Variants in ARHGAP22 observed in about 807,000 individuals in gnomAD.
ARHGAP22 encodes the protein rho GTPase-activating protein 22.
In ARHGAP22, 48 loss-of-function variants were observed where a neutral mutation model predicts 59.1. The ratio of observed to expected loss-of-function variants is 0.81; its 90% confidence interval spans 0.64 to 1.03. The LOEUF (loss-of-function observed/expected upper bound fraction) is 1.03. Ranked by LOEUF, ARHGAP22 falls within the 50% of genes least tolerant of loss-of-function variation. The probability of loss-of-function intolerance (pLI) is 0.00; values close to 1 mark genes in which losing one functional copy is unlikely to be tolerated. For synonymous variants in ARHGAP22, 445 were observed against 416.4 expected (o/e 1.07, Z -0.84); for missense variants, 1,015 against 958.7 (o/e 1.06, Z -0.78).
the ARHGAP22 span, chr10:48,431,278 A>G: frequency 1.3e-6 from 2 of 1,598,968 alleles, no homozygotes; most frequent in Non-Finnish European, 1.7e-6. Flanking sequence ...TAGGTTGGTT[A>G]CAATATAAGC....
At chr10:48,431,725 T>A in the ARHGAP22 span, among the ~76,000 whole-genome samples, 6 of 152,198 alleles carry the variant, frequency 3.9e-5, no homozygotes, top group African/African-American at 1.2e-4. Flanking sequence ...CACTAGAAAG[T>A]ATTCTTTCTC....
At chr10:48,448,881 C>G (rs1253157417) in intron 9 of ARHGAP22, among the ~76,000 whole-genome samples, 1 of 152,102 alleles carries the variant, frequency 6.6e-6, no homozygotes, top group African/African-American at 2.4e-5. Flanking sequence ...CCCGAGCGCT[C>G]TCATCCACTG....
intron 4 of ARHGAP22, among the ~76,000 whole-genome samples, chr10:48,469,788 T>C (rs1243099850): frequency 6.6e-6 from 1 of 152,192 alleles, no homozygotes; most frequent in African/African-American, 2.4e-5. Context: ...GTGTGTGGGC[T>C]GAAGTCCTCC....
At chr10:48,435,468 ATCCT>A in the ARHGAP22 span, 6 of 153,112 alleles carry the variant, frequency 3.9e-5, no homozygotes, top group Non-Finnish European at 8.7e-5. Context: ...TCATGATACT[ATCCT>A]TCAGGGTTAT....
intron 5 of ARHGAP22, among the ~76,000 whole-genome samples, chr10:48,458,664 T>A (rs2046823200): frequency 6.6e-6 from 1 of 152,136 alleles, no homozygotes; most frequent in Admixed American, 6.5e-5. Context: ...TGACATTATT[T>A]GAAGCAATCT....
At position 48,538,684 on chromosome 10, in the gene ARHGAP22, C is replaced by T. The variant is rs148877548; in HGVS notation, c.322+16779G>A. On this transcript the variant is annotated intron_variant, in intron 3 of 9. Transcript: ENST00000249601. ...ACACCTGGGAATGCACTACAGTAGGCGTTTGGATCCAGTAAAGGAAAGCTT... is the reference window on the plus strand; with the variant it reads ...ACACCTGGGAATGCACTACAGTAGGTGTTTGGATCCAGTAAAGGAAAGCTT... 3.2e-4 allele frequency among the ~76,000 whole-genome samples: 48 copies of T among 152,288 alleles called. No individual in the cohort carries two copies. The East Asian group carries it at 8.7e-3, about 28-fold the overall frequency.
intron 3 of ARHGAP22, among the ~76,000 whole-genome samples, chr10:48,486,460 C>T (rs1345060419): frequency 6.6e-6 from 1 of 152,064 alleles, no homozygotes; most frequent in Non-Finnish European, 1.5e-5. Context: ...CCCGTCTCAG[C>T]CTCTTGAGTA....
intron 1 of ARHGAP22, among the ~76,000 whole-genome samples, chr10:48,630,832 T>C (rs1374488191): frequency 2.6e-5 from 4 of 152,248 alleles, no homozygotes; most frequent in South Asian, 4.1e-4. Flanking sequence ...CAATGTTGAA[T>C]AAGTGTGGTG....
At chr10:48,584,558 A>C (rs1006170101) in intron 1 of ARHGAP22, among the ~76,000 whole-genome samples, 2 of 152,194 alleles carry the variant, frequency 1.3e-5, no homozygotes, top group African/African-American at 4.8e-5. Flanking sequence ...GGAGGAGATG[A>C]TGTCTTACCC....
At chr10:48,524,216 G>T (rs1418420744) in intron 3 of ARHGAP22, 1 of 678,596 alleles carries the variant, frequency 1.5e-6, no homozygotes, top group Admixed American at 6.2e-5. Context: ...GGCGCAGGGT[G>T]CGCGGGACCG....
At chr10:48,595,986 ATTAATT>A (rs1208072231) in intron 1 of ARHGAP22, among the ~76,000 whole-genome samples, 2 of 151,830 alleles carry the variant, frequency 1.3e-5, no homozygotes, top group Non-Finnish European at 2.9e-5. Flanking sequence ...GAGTGAAAAT[ATTAATT>A]TTTAAGTAGT....
At chr10:48,490,480 A>G (rs2050277660) in intron 3 of ARHGAP22, among the ~76,000 whole-genome samples, 2 of 152,162 alleles carry the variant, frequency 1.3e-5, no homozygotes, top group Admixed American at 6.5e-5. Flanking sequence ...GTTAAGAAAC[A>G]TTGATACGGA....
At chr10:48,485,286 A>G (rs535583390) in intron 3 of ARHGAP22, among the ~76,000 whole-genome samples, 17 of 152,306 alleles carry the variant, frequency 1.1e-4, no homozygotes, top group East Asian at 3.9e-4. Flanking sequence ...GGCAGCTCCC[A>G]GATTTCAATA....
At chr10:48,608,258 A>G (rs142909662), upstream of ARHGAP22, among the ~76,000 whole-genome samples, 53 of 152,264 alleles carry the variant, frequency 3.5e-4, no homozygotes, top group African/African-American at 1.1e-3. Flanking sequence ...CCAAGCCCCA[A>G]CTTGAGACAA....
At chr10:48,464,751 G>C (rs1434080035) in intron 4 of ARHGAP22, among the ~76,000 whole-genome samples, 2 of 152,172 alleles carry the variant, frequency 1.3e-5, no homozygotes, top group Admixed American at 1.3e-4. Context: ...CCCTTTCCTG[G>C]GGCTCAGTCT....
chr10:48,549,561 C>G (rs74353111), intron 3 of ARHGAP22, among the ~76,000 whole-genome samples: 5 of 152,096 alleles, frequency 3.3e-5, no homozygotes, highest in South Asian at 2.1e-4. Context: ...GGTGGGAGAG[C>G]AGGAGATTTC....
At chr10:48,510,057 G>A (rs910125414) in intron 3 of ARHGAP22, among the ~76,000 whole-genome samples, 1 of 152,172 alleles carries the variant, frequency 6.6e-6, no homozygotes, top group Non-Finnish European at 1.5e-5. Context: ...GTGGCCTGGG[G>A]CAAGTTTTTT....
intron 9 of ARHGAP22, among the ~76,000 whole-genome samples, chr10:48,448,878 G>A (rs569790502): frequency 6.6e-5 from 10 of 152,082 alleles, no homozygotes; most frequent in South Asian, 2.1e-4. Context: ...TTTCCCGAGC[G>A]CTCTCATCCA....
At chr10:48,565,848 A>C (rs972581931) in intron 2 of ARHGAP22, among the ~76,000 whole-genome samples, 5 of 152,324 alleles carry the variant, frequency 3.3e-5, no homozygotes, top group African/African-American at 9.6e-5. Flanking sequence ...TTGTAGAAAC[A>C]ATCTCCCCTC....
Sources: gnomAD v4.1 joint callset for allele counts (sites outside exome capture counted in the v4.1 genomes callset) on GRCh38, gnomAD v4.1.1 for gene constraint, MANE v1.5 for transcripts, NCBI Gene and HGNC (gene_info 2026-07-23, HGNC 2026-07-21) for gene names.